SPATA17: variants seen among roughly 807,000 people sequenced by gnomAD.
SPATA17 encodes the protein spermatogenesis associated 17, also known as spermatogenesis-associated protein 17.
A neutral mutation model predicts 62.2 loss-of-function variants in SPATA17; 53 were observed. The observed-to-expected ratio is 0.85, with a 90% confidence interval of 0.68 to 1.07. The LOEUF (loss-of-function observed/expected upper bound fraction) is 1.07. SPATA17 is among the 50% of genes least tolerant of loss of function. The pLI, the probability that SPATA17 is intolerant of heterozygous loss-of-function variation, is 0.00. For missense variants in SPATA17, 466 were observed against 425.5 expected (o/e 1.10, Z -0.84); for synonymous variants, 146 against 146.8 (o/e 0.99, Z 0.04).
chr1:217,772,280 A>G (rs1015128244), intron 6 of SPATA17, among the ~76,000 whole-genome samples: 6 of 152,180 alleles, frequency 3.9e-5, no homozygotes. Context: ...TGTTAACATG[A>G]CATTAAAAAT....
chr1:217,792,065 A>G (rs2102982489), intron 8 of SPATA17, among the ~76,000 whole-genome samples: 1 of 152,254 alleles, frequency 6.6e-6, no homozygotes, highest in African/African-American at 2.4e-5. Context: ...TAGCTGATAA[A>G]CTTTAAAAAA....
intron 1 of SPATA17, among the ~76,000 whole-genome samples, chr1:217,642,398 A>T (rs1191451847): frequency 6.6e-6 from 1 of 152,046 alleles, no homozygotes; most frequent in African/African-American, 2.4e-5. Flanking sequence ...AGTCATGCTA[A>T]TATTGTCCCG....
Position 217,670,362 on chromosome 1 carries a change from G to A in SPATA17, c.291+1279G>A, listed in dbSNP as rs534059170. ...CTCCCTTCTGCGCTTCTAGGGAGAA[G>A]CACAGAAGATAGAGTTAGAAAGGTG... On this transcript the variant is annotated intron_variant, in intron 4 of 10. Transcript: ENST00000366933. 3.3e-5 allele frequency among the ~76,000 whole-genome samples: 5 copies of A among 152,248 alleles called. No homozygotes were observed. The South Asian group carries it at 1.0e-3, about 32-fold the overall frequency.
chr1:217,731,426 T>C (rs984864214), intron 5 of SPATA17, among the ~76,000 whole-genome samples: 1 of 152,196 alleles, frequency 6.6e-6, no homozygotes, highest in African/African-American at 2.4e-5. Flanking sequence ...CCTCTTTCTA[T>C]GGTAAATTGA....
In SPATA17 at chr1:217,631,365, A is replaced by C; in HGVS notation, c.-14A>C. 6.2e-7 allele frequency: 1 copy of C among 1,614,076 alleles called. No individual in the cohort carries two copies. Among genetic ancestry groups the C allele is most frequent in the Non-Finnish European group, 8.5e-7 (1 of 1,179,940 alleles). On this transcript the variant is annotated 5_prime_UTR_variant, in exon 1 of 11. Coordinates refer to ENST00000366933, the MANE Select transcript of SPATA17 (RefSeq NM_138796.4). ...CGGTAGTAACACCAGTTGTAAACCC[A>C]AGGCCAAGAGACCATGGCCACGTTA...
intron 5 of SPATA17, among the ~76,000 whole-genome samples, chr1:217,687,260 T>G (rs1248895174): frequency 6.6e-6 from 1 of 152,096 alleles, no homozygotes; most frequent in Non-Finnish European, 1.5e-5. Flanking sequence ...ATATTCTAAT[T>G]GCATTTTTTA....
At chr1:217,744,991 T>C (rs1403878199) in intron 6 of SPATA17, among the ~76,000 whole-genome samples, 1 of 152,214 alleles carries the variant, frequency 6.6e-6, no homozygotes, top group Non-Finnish European at 1.5e-5. Flanking sequence ...CCTAAGGTTT[T>C]CTTAATTTTC....
intron 5 of SPATA17, among the ~76,000 whole-genome samples, chr1:217,720,997 A>C (rs919199237): frequency 6.6e-6 from 1 of 152,188 alleles, no homozygotes; most frequent in African/African-American, 2.4e-5. Flanking sequence ...AGATTCACAA[A>C]ATTCATCTAA....
intron 8 of SPATA17, among the ~76,000 whole-genome samples, chr1:217,794,480 C>G (rs954334985): frequency 6.6e-6 from 1 of 152,126 alleles, no homozygotes; most frequent in African/African-American, 2.4e-5. Context: ...AATTCTAAAC[C>G]AGAGATTGCA....
At chr1:217,818,947 AAT>A (rs1674791872) in intron 9 of SPATA17, among the ~76,000 whole-genome samples, 1 of 144,672 alleles carries the variant, frequency 6.9e-6, no homozygotes. Context: ...GGCCATATAG[AAT>A]TTACTTTTCA....
rs532971648 is a variant in SPATA17 at position 217,774,638 on chromosome 1, T to C, written c.723+101T>C. ...CTTAATTTAACCATTTTTAATTATATAGTTTAGTGGGATTAAGTACATTCA... is the reference window on the plus strand; with the variant it reads ...CTTAATTTAACCATTTTTAATTATACAGTTTAGTGGGATTAAGTACATTCA... On this transcript the variant is annotated intron_variant, in intron 7 of 10. Transcript: ENST00000366933. The C allele has an allele frequency of 8.3e-5, 79 of 949,530 alleles. No individual in the cohort carries two copies. In the South Asian group the frequency reaches 1.3e-3, roughly 15 times the overall value. 58.8% of individuals were successfully genotyped at this position (949,530 alleles called of 1,614,324 possible).
At chr1:217,802,556 T>C (rs1674339366) in intron 9 of SPATA17, among the ~76,000 whole-genome samples, 1 of 152,098 alleles carries the variant, frequency 6.6e-6, no homozygotes, top group Non-Finnish European at 1.5e-5. Flanking sequence ...CCCTGTTTGC[T>C]CATATGACCT....
chr1:217,759,571 G>A (rs1458215158), intron 6 of SPATA17, among the ~76,000 whole-genome samples: 1 of 152,142 alleles, frequency 6.6e-6, no homozygotes, highest in African/African-American at 2.4e-5. Flanking sequence ...AAAATGCTTT[G>A]CTCAGTATGG....
At position 217,662,258 on chromosome 1, in the gene SPATA17, A is replaced by G. The variant is rs1368934095; in HGVS notation, c.241-6775A>G. Among the ~76,000 whole-genome samples, 5 of 152,192 alleles carry G rather than the reference A, an allele frequency of 3.3e-5. No individual in the cohort carries two copies. The East Asian group carries it at 7.7e-4, about 23-fold the overall frequency. Reference sequence around the variant, plus strand: ...AGAAGTATAAAGGCTATTGTAGTATATAATTAGTTTGATATGAGGTGTTAT... The same window carrying G: ...AGAAGTATAAAGGCTATTGTAGTATGTAATTAGTTTGATATGAGGTGTTAT... On this transcript the variant is annotated intron_variant, in intron 3 of 10. Coordinates refer to ENST00000366933, the MANE Select transcript of SPATA17 (RefSeq NM_138796.4).
At chr1:217,723,462 A>T (rs1196981065) in intron 5 of SPATA17, among the ~76,000 whole-genome samples, 1 of 152,116 alleles carries the variant, frequency 6.6e-6, no homozygotes, top group Non-Finnish European at 1.5e-5. Flanking sequence ...AATAGATTAA[A>T]TCTTTCTTTT....
At chr1:217,680,698 G>A (rs1353155833) in intron 4 of SPATA17, among the ~76,000 whole-genome samples, 1 of 151,634 alleles carries the variant, frequency 6.6e-6, no homozygotes, top group African/African-American at 2.4e-5. Context: ...GCCAAGGCGG[G>A]AGGATCATTT....
chr1:217,814,401 T>A (rs1405487723), intron 9 of SPATA17, among the ~76,000 whole-genome samples: 1 of 152,184 alleles, frequency 6.6e-6, no homozygotes, highest in Non-Finnish European at 1.5e-5. Flanking sequence ...CCAGGTAAGA[T>A]GTTTGCCCTA....
At chr1:217,645,045 G>A (rs1191827517) in intron 1 of SPATA17, among the ~76,000 whole-genome samples, 1 of 151,956 alleles carries the variant, frequency 6.6e-6, no homozygotes, top group Non-Finnish European at 1.5e-5. Context: ...CCCAGCATCT[G>A]TAAATTTTGT....
At chr1:217,632,995 C>G (rs1184203756) in intron 1 of SPATA17, among the ~76,000 whole-genome samples, 1 of 151,618 alleles carries the variant, frequency 6.6e-6, no homozygotes, top group African/African-American at 2.4e-5. Context: ...GGCAGAAGTT[C>G]CAGACCAGAC....
Sources: gnomAD v4.1 joint callset for allele counts (sites outside exome capture counted in the v4.1 genomes callset) on GRCh38, gnomAD v4.1.1 for gene constraint, MANE v1.5 for transcripts, NCBI Gene and HGNC (gene_info 2026-07-23, HGNC 2026-07-21) for gene names.